The following COLEC12 variants were observed in gnomAD, a reference collection of about 807,000 sequenced individuals.
The protein encoded by COLEC12 is collectin subfamily member 12.
In COLEC12, 33 loss-of-function variants were observed where a neutral mutation model predicts 71.1. The observed-to-expected ratio is 0.46, with a 90% CI of 0.35 to 0.62. The LOEUF is 0.62. Among genes scored for constraint, COLEC12 ranks in the 20% least tolerant of loss-of-function variants. COLEC12 has a pLI of 0.00. For synonymous variants in COLEC12, 350 were observed against 353.0 expected (o/e 0.99, Z 0.10); for missense variants, 765 against 916.1 (o/e 0.84, Z 2.13).
At chr18:471,349 TA>T (rs1598375682) in intron 2 of COLEC12, among the ~76,000 whole-genome samples, 3 of 151,796 alleles carry the variant, frequency 2.0e-5, no homozygotes, top group Non-Finnish European at 2.9e-5. Context: ...TTTTTTTTTT[TA>T]GTTCCTCTTC....
chr18:444,005 G>A (rs1916597567), intron 2 of COLEC12, among the ~76,000 whole-genome samples: 1 of 152,134 alleles, frequency 6.6e-6, no homozygotes, highest in African/African-American at 2.4e-5. Context: ...GCCTCTCCAG[G>A]AGCCGAGTGT....
At chr18:452,679 T>C (rs980132895) in intron 2 of COLEC12, among the ~76,000 whole-genome samples, 5 of 152,234 alleles carry the variant, frequency 3.3e-5, no homozygotes, top group African/African-American at 1.2e-4. Flanking sequence ...ACCATAACTC[T>C]TTCCAATCAA....
At chr18:397,199 G>A (rs1567895722) in intron 2 of COLEC12, among the ~76,000 whole-genome samples, 1 of 152,110 alleles carries the variant, frequency 6.6e-6, no homozygotes, top group Non-Finnish European at 1.5e-5. Flanking sequence ...CATCCATTCA[G>A]ACTTTGTTTG....
chr18:461,063 CT>C (rs1916974243), intron 2 of COLEC12, among the ~76,000 whole-genome samples: 1 of 152,262 alleles, frequency 6.6e-6, no homozygotes, highest in East Asian at 1.9e-4. Context: ...GATTCCTGGT[CT>C]TTCTGCAGTG....
chr18:498,885 A>G (rs1202262739), intron 1 of COLEC12, among the ~76,000 whole-genome samples: 1 of 152,192 alleles, frequency 6.6e-6, no homozygotes, highest in African/African-American at 2.4e-5. Context: ...GCAAATGTAA[A>G]GTGGAAAAGT....
chr18:329,112 A>G (rs890254383), intron 8 of COLEC12, among the ~76,000 whole-genome samples: 8 of 152,166 alleles, frequency 5.3e-5, no homozygotes, highest in Non-Finnish European at 8.8e-5. Flanking sequence ...TGGTGACGTC[A>G]TTCTTCTCAG....
chr18:373,516 C>T (rs1333926968), intron 2 of COLEC12, among the ~76,000 whole-genome samples: 1 of 152,190 alleles, frequency 6.6e-6, no homozygotes, highest in Non-Finnish European at 1.5e-5. Flanking sequence ...TATCAAAATC[C>T]ACTGTATGTC....
intron 1 of COLEC12, among the ~76,000 whole-genome samples, chr18:490,952 A>C (rs967676911): frequency 6.6e-6 from 1 of 152,208 alleles, no homozygotes; most frequent in African/African-American, 2.4e-5. Context: ...TCGTGTTTAG[A>C]CCAGGGTCCA....
intron 2 of COLEC12, among the ~76,000 whole-genome samples, chr18:455,815 A>G (rs1246825041): frequency 6.6e-6 from 1 of 152,192 alleles, no homozygotes; most frequent in Admixed American, 6.5e-5. Flanking sequence ...TGTCCCTGCA[A>G]AGACATGATC....
At chr18:379,801 G>C (rs1915192728) in intron 2 of COLEC12, among the ~76,000 whole-genome samples, 2 of 152,094 alleles carry the variant, frequency 1.3e-5, no homozygotes, top group Admixed American at 1.3e-4. Flanking sequence ...AATAAGGGAG[G>C]AGTTCATTCA....
intron 5 of COLEC12, among the ~76,000 whole-genome samples, chr18:340,094 A>G (rs1247737527): frequency 6.6e-6 from 1 of 151,500 alleles, no homozygotes; most frequent in African/African-American, 2.4e-5. Flanking sequence ...AAAAAAAACA[A>G]AAAGAACAGA....
intron 9 of COLEC12, 117 bp from the exon 10 acceptor site, chr18:320,181 CA>C (rs1435173192): frequency 2.1e-5 from 13 of 617,154 alleles, no homozygotes; most frequent in Non-Finnish European, 3.8e-5. Flanking sequence ...CATCATTCAA[CA>C]ATGCTTATAT....
chr18:442,000 T>TACACACACACACACACACA (rs1309639326), intron 2 of COLEC12, among the ~76,000 whole-genome samples: 1 of 116,700 alleles, frequency 8.6e-6, no homozygotes, highest in African/African-American at 3.2e-5. Context: ...ACTCTCTCTC[T>TACACACACACACACACACA]CTACACACAC....
intron 1 of COLEC12, among the ~76,000 whole-genome samples, chr18:486,858 T>G (rs770126279): frequency 2.0e-5 from 3 of 152,246 alleles, no homozygotes; most frequent in Non-Finnish European, 4.4e-5. Context: ...AACCCTCATA[T>G]GCTGTTGGTG....
intron 2 of COLEC12, among the ~76,000 whole-genome samples, chr18:436,983 A>C (rs1916420145): frequency 6.6e-6 from 1 of 152,244 alleles, no homozygotes; most frequent in Non-Finnish European, 1.5e-5. Context: ...TCTAGTTCAT[A>C]ACACACAATT....
At chr18:321,834 T>C in intron 8 of COLEC12, 27 bp from the exon 9 acceptor site, 1 of 1,610,532 alleles carries the variant, frequency 6.2e-7, no homozygotes, top group Non-Finnish European at 8.5e-7. Flanking sequence ...AATTGAATGT[T>C]ATTTGCACAG....
At chr18:421,572 T>A (rs912708551) in intron 2 of COLEC12, among the ~76,000 whole-genome samples, 1 of 152,168 alleles carries the variant, frequency 6.6e-6, no homozygotes, top group Non-Finnish European at 1.5e-5. Context: ...TGCCTTTTTG[T>A]GCCTTTAATT....
rs150598729 is a variant in COLEC12, at chr18:499,806, G to A, written c.7+702C>T. On this transcript the variant is annotated intron_variant, in intron 1 of 9. Coordinates refer to ENST00000400256, the MANE Select transcript of COLEC12 (RefSeq NM_130386.3). ...ATAACATCTGACACTTCCATAAACC[G>A]GCCTGCAGAGGACACCGCGCAGGGG... 7.7e-3 allele frequency among the ~76,000 whole-genome samples: 1,167 copies of A among 152,298 alleles called. 19 individuals are homozygous for A. The highest frequency in any genetic ancestry group is 0.027 in the African/African-American group (1,115 of 41,562).
chr18:374,486 C>T (rs1915070520), intron 2 of COLEC12, among the ~76,000 whole-genome samples: 1 of 152,178 alleles, frequency 6.6e-6, no homozygotes, highest in South Asian at 2.1e-4. Flanking sequence ...AAATCACCCA[C>T]AGGCATATGT....
Sources: allele counts gnomAD v4.1 joint callset (sites outside exome capture counted in the v4.1 genomes callset), GRCh38; gene constraint gnomAD v4.1.1; transcripts MANE v1.5; gene names NCBI Gene and HGNC (gene_info 2026-07-23, HGNC 2026-07-21).